Variants in CD300E observed in about 807,000 individuals in gnomAD.
The protein encoded by CD300E is CMRF35-like molecule 2.
Under a neutral mutation model 20.9 loss-of-function variants are expected in CD300E, and 14 were observed. That is an observed-to-expected ratio of 0.67 (90% CI 0.44 to 1.05). The LOEUF is 1.05. Ranked by LOEUF, CD300E falls within the 50% of genes least tolerant of loss-of-function variation. CD300E has a pLI of 0.00. For missense variants in CD300E, 237 were observed against 253.9 expected (o/e 0.93, Z 0.45); for synonymous variants, 102 against 103.7 (o/e 0.98, Z 0.10).
At position 74,612,596 on chromosome 17, in the gene CD300E, C is replaced by T. The variant is rs2143351348; in HGVS notation, c.*57G>A. The stretch of plus-strand genomic sequence containing the variant: ...TCGCATCCAGTCTGAAAGGTTGACT[C>T]CCTGCACGGGGCACTCCTGGGGATG... On this transcript the variant is annotated 3_prime_UTR_variant, in exon 4 of 4. Transcript: ENST00000392619. 1.3e-6 allele frequency: 2 copies of T among 1,598,362 alleles called. No homozygotes were observed. The highest frequency in any genetic ancestry group is 1.7e-6 in the Non-Finnish European group (2 of 1,174,728).
intron 1 of CD300E, among the ~76,000 whole-genome samples, chr17:74,617,940 T>A (rs750082176): frequency 6.6e-6 from 1 of 152,114 alleles, no homozygotes; most frequent in Non-Finnish European, 1.5e-5. Flanking sequence ...TCTTAACCAC[T>A]CTCCAGAAAG....
chr17:74,617,557 G>T, intron 1 of CD300E, 92 bp from the exon 2 acceptor site: 1 of 1,095,290 alleles, frequency 9.1e-7, no homozygotes, highest in South Asian at 1.5e-5. Flanking sequence ...TTGCCAGGGA[G>T]ACCTGGGTGT....
chr17:74,620,480 T>G (rs893563023), intron 1 of CD300E, among the ~76,000 whole-genome samples: 1 of 151,556 alleles, frequency 6.6e-6, no homozygotes, highest in African/African-American at 2.4e-5. Flanking sequence ...AAAATAATAA[T>G]CATAATACAA....
Position 74,612,663 on chromosome 17 carries a change from G to A in CD300E, c.608C>T (p.Pro203Leu), listed in dbSNP as rs375036318. 1.3e-5 allele frequency: 21 copies of A among 1,613,554 alleles called. No individual in the cohort carries two copies. The highest frequency in any genetic ancestry group is 4.0e-5 in the African/African-American group (3 of 74,896). The change falls in exon 4 of 4, where the codon CCT becomes CTT. Residue 203 changes from proline to leucine, a missense_variant. Coordinates refer to ENST00000392619, the MANE Select transcript of CD300E (RefSeq NM_181449.3). ...CGGGTCAGCCTGGCTCTATCTTCCA[G>A]GAGGAGCCCACTGAGGCCTGTTCAC... ...FWVNRPQWAP[P>L]GR
In CD300E at chr17:74,613,964, C is replaced by T. The variant is rs147195509; in HGVS notation, c.458G>A (p.Arg153Gln). Residue 153 changes from arginine (R) to glutamine (Q), a missense_variant, in exon 3 of 4, where the codon CGA becomes CAA. Coordinates refer to ENST00000392619, the MANE Select transcript of CD300E (RefSeq NM_181449.3). ...CAACACCTCCCCGGTGCTGAGGTTT[C>T]GCCCAGGGTTCACCACCAGGAAGAT... ...PPIFLVVNPG[R>Q]NLSTGEVLTQ... 1.9e-6 allele frequency: 3 copies of T among 1,613,842 alleles called. No homozygotes were observed. Among genetic ancestry groups the T allele is most frequent in the Admixed American group, 1.7e-5 (1 of 59,996 alleles).
At chr17:74,618,912 G>A (rs183715874) in intron 1 of CD300E, among the ~76,000 whole-genome samples, 3 of 150,790 alleles carry the variant, frequency 2.0e-5, no homozygotes, top group East Asian at 4.0e-4. Flanking sequence ...TCCTGACCCC[G>A]CACCTTCTGA....
intron 2 of CD300E, among the ~76,000 whole-genome samples, chr17:74,616,366 T>C (rs948437540): frequency 2.6e-5 from 4 of 152,106 alleles, no homozygotes; most frequent in Non-Finnish European, 5.9e-5. Flanking sequence ...GGTGCAATTC[T>C]GAAGAGAGTA....
chr17:74,615,896 G>A (rs2030888923), intron 2 of CD300E, among the ~76,000 whole-genome samples: 1 of 152,100 alleles, frequency 6.6e-6, no homozygotes, highest in Non-Finnish European at 1.5e-5. Context: ...GACCTGTCTG[G>A]GCAACGCGGG....
Position 74,611,119 on chromosome 17 carries a change from A to C in CD300E, c.*1534T>G, listed in dbSNP as rs1162527232. On this transcript the variant is annotated 3_prime_UTR_variant, in exon 4 of 4. Coordinates refer to ENST00000392619, the MANE Select transcript of CD300E (RefSeq NM_181449.3). ...GCTTATCCTTCTCATAAAATGAATC[A>C]TAAGCTCCTTTCTTGCTCATCATCA... 2 of 152,198 alleles carry C rather than the reference A, an allele frequency of 1.3e-5. No individual in the cohort carries two copies. The highest frequency in any genetic ancestry group is 3.8e-4 in the East Asian group (2 of 5,198). 9.4% of individuals were successfully genotyped at this position (152,198 alleles called of 1,614,324 possible).
At chr17:74,619,707 C>T (rs1160403343) in intron 1 of CD300E, among the ~76,000 whole-genome samples, 1 of 152,214 alleles carries the variant, frequency 6.6e-6, no homozygotes, top group East Asian at 1.9e-4. Flanking sequence ...CCCAGAGCCA[C>T]TTACTTTTAG....
intron 1 of CD300E, among the ~76,000 whole-genome samples, chr17:74,622,221 A>G (rs1231250353): frequency 6.6e-6 from 1 of 151,860 alleles, no homozygotes; most frequent in African/African-American, 2.4e-5. Flanking sequence ...GGACCTGCGC[A>G]GGTCACATTG....
chr17:74,612,961 G>A lies in CD300E; in HGVS notation c.498-188C>T, dbSNP rs115969935. The stretch of plus-strand genomic sequence containing the variant: ...CTTCTCCCTCCATCAAGGACTGCCC[G>A]GGGGGTCTCATCAAGGAGAGGTGAT... On this transcript the variant is annotated intron_variant, in intron 3 of 3. Coordinates refer to ENST00000392619, the MANE Select transcript of CD300E (RefSeq NM_181449.3). Among the ~76,000 whole-genome samples, 144 of 152,266 alleles carry A rather than the reference G, an allele frequency of 9.5e-4. 1 individual carries two copies. The highest frequency in any genetic ancestry group is 3.4e-3 in the Middle Eastern group (1 of 294).
At chr17:74,621,123 T>C (rs2031013400) in intron 1 of CD300E, among the ~76,000 whole-genome samples, 1 of 152,242 alleles carries the variant, frequency 6.6e-6, no homozygotes, top group Non-Finnish European at 1.5e-5. Flanking sequence ...CCCTCAGATG[T>C]AGAGCATGGC....
At chr17:74,613,009 C>CCACTT (rs2030818680) in intron 3 of CD300E, among the ~76,000 whole-genome samples, 1 of 152,184 alleles carries the variant, frequency 6.6e-6, no homozygotes, top group Admixed American at 6.5e-5. Context: ...GAAGAGGGAC[C>CCACTT]CACTTCCAGG....
intron 3 of CD300E, among the ~76,000 whole-genome samples, chr17:74,613,193 T>A (rs1379399840): frequency 6.6e-6 from 1 of 152,138 alleles, no homozygotes. Flanking sequence ...CAGCCTTGAC[T>A]TCCTGGGCTC....
intron 1 of CD300E, 118 bp from the exon 2 acceptor site, chr17:74,617,583 C>A (rs1568035119): frequency 1.2e-6 from 1 of 819,096 alleles, no homozygotes; most frequent in Non-Finnish European, 1.9e-6. Flanking sequence ...GGGAGGGGAA[C>A]CTGGAGGAAT....
intron 1 of CD300E, among the ~76,000 whole-genome samples, chr17:74,619,574 T>A (rs575470709): frequency 3.5e-4 from 54 of 152,174 alleles, no homozygotes; most frequent in African/African-American, 1.3e-3. Flanking sequence ...CCTTCAGCCC[T>A]GCTAGGAAGC....
At position 74,610,533 on chromosome 17, in the gene CD300E, G is replaced by C. The variant is rs2030754686; in HGVS notation, c.*2120C>G. The C allele has an allele frequency of 6.6e-6, 1 of 152,182 alleles. No individual in the cohort carries two copies. The highest frequency in any genetic ancestry group is 1.5e-5 in the Non-Finnish European group (1 of 68,052). The allele number at this position is 152,182 out of a possible 1,614,324, so 9.4% of individuals were successfully genotyped here. A position where few individuals can be genotyped will look rare whatever the true frequency, so the allele number is the denominator to read the frequency against. On this transcript the variant is annotated 3_prime_UTR_variant, in exon 4 of 4. Transcript: ENST00000392619. ...CTGTCAATGATGCCCGATTCCTCTG[G>C]TTTTCCAGGCTTAAGACTCCGGACT... is the stretch of plus-strand genomic sequence containing the variant.
rs929737801 is a variant in CD300E, at chr17:74,609,905, T to C, written c.*2748A>G. On this transcript the variant is annotated 3_prime_UTR_variant, in exon 4 of 4. Transcript: ENST00000392619. ...CCATAGACACACAATAAAAGTTTAT[T>C]GAATGAATGAGTAAATAAAGGGAAA... The C allele has an allele frequency of 3.9e-5, 6 of 152,124 alleles. No homozygotes were observed. The highest frequency in any genetic ancestry group is 1.4e-4 in the African/African-American group (6 of 41,402). The allele number at this position is 152,124 out of a possible 1,614,324, so 9.4% of individuals were successfully genotyped here.
Sources: allele counts gnomAD v4.1 joint callset (sites outside exome capture counted in the v4.1 genomes callset), GRCh38; gene constraint gnomAD v4.1.1; transcripts MANE v1.5; gene names NCBI Gene and HGNC (gene_info 2026-07-23, HGNC 2026-07-21).